NLGN3: variants seen among roughly 807,000 people sequenced by gnomAD.
The protein encoded by NLGN3 is neuroligin 3.
A neutral mutation model predicts 42.9 loss-of-function variants in NLGN3; 11 were observed. The observed-to-expected ratio is 0.26, with a 90% CI of 0.16 to 0.42. NLGN3 has a LOEUF of 0.42. Among genes scored for constraint, NLGN3 ranks in the 10% least tolerant of loss-of-function variants. The pLI is 1.00. For synonymous variants in NLGN3, 279 were observed against 312.7 expected (o/e 0.89, Z 1.14); for missense variants, 374 against 733.8 (o/e 0.51, Z 5.67).
At chrX:71,147,459 A>G in intron 1 of NLGN3, 91 bp from the exon 2 acceptor site, 1 of 408,377 alleles carries the variant, frequency 2.4e-6, no homozygotes, top group Non-Finnish European at 4.3e-6. Context: ...TACCTATAAG[A>G]GAATAGCCCA....
chrX:71,147,260 G>C (rs1383198857), intron 1 of NLGN3, among the ~76,000 whole-genome samples: 3 of 111,780 alleles, frequency 2.7e-5, no homozygotes, highest in African/African-American at 9.8e-5. Flanking sequence ...TCTGGCTCCA[G>C]CCGACCCTGA....
chrX:71,155,156 A>C, intron 4 of NLGN3, 58 bp from the exon 5 acceptor site: 1 of 1,187,914 alleles, frequency 8.4e-7, no homozygotes, highest in Non-Finnish European at 1.1e-6. Context: ...CTGGGCTGGC[A>C]GGGGTGGGGG....
rs767429618 is a variant in NLGN3, at chrX:71,171,077, G to GT, written c.*995dup. On this transcript the variant is annotated 3_prime_UTR_variant, in exon 8 of 8. Coordinates refer to ENST00000358741, the MANE Select transcript of NLGN3 (RefSeq NM_181303.2). The stretch of plus-strand genomic sequence containing the variant: ...AAGGCGGTGTTTTTTGTTGTTGTTG[G>GT]TTTTTTTTTTTTTTTAAAGAAAAGT... 0.09 allele frequency: 43,481 copies of GT among 482,573 alleles called. 25 individuals carry two copies. Among genetic ancestry groups the GT allele is most frequent in the Non-Finnish European group, 0.096 (38,287 of 399,286 alleles). 39.8% of individuals were successfully genotyped at this position (482,573 alleles called of 1,213,427 possible). A position where few individuals can be genotyped will look rare whatever the true frequency, so the allele number is the denominator to read the frequency against.
At chrX:71,145,704 C>CA (rs2147852411) in intron 1 of NLGN3, among the ~76,000 whole-genome samples, 1 of 105,743 alleles carries the variant, frequency 9.5e-6, no homozygotes, top group African/African-American at 3.5e-5. Context: ...GGAATTGACT[C>CA]AAAGGAGAAT....
chrX:71,161,113 T>C (rs2092428449), intron 5 of NLGN3, among the ~76,000 whole-genome samples: 1 of 99,168 alleles, frequency 1.0e-5, no homozygotes, highest in South Asian at 4.2e-4. Flanking sequence ...TTTCTTTTCT[T>C]TCTTTTTTTT....
chrX:71,146,208 C>G (rs2092369450), intron 1 of NLGN3, among the ~76,000 whole-genome samples: 1 of 101,184 alleles, frequency 9.9e-6, no homozygotes, highest in Non-Finnish European at 2.0e-5. Flanking sequence ...CACACACACA[C>G]ACACACACAC....
chrX:71,149,464 A>G (rs1287146893), intron 3 of NLGN3, among the ~76,000 whole-genome samples: 1 of 111,814 alleles, frequency 8.9e-6, no homozygotes, highest in Non-Finnish European at 1.9e-5. Context: ...GTCTCTGGGA[A>G]CTATGGACTT....
At position 71,148,195 on chromosome X, in the gene NLGN3, C is replaced by T. The variant is rs1241064136; in HGVS notation, c.446C>T (p.Pro149Leu). The change falls in exon 2 of 8, where the codon CCG becomes CTG. Residue 149 changes from proline to leucine, a missense_variant. This residue lies in a region of NLGN3 where 109 missense variants were observed against 173.3 expected (regional missense o/e 0.63). Coordinates refer to ENST00000358741, the MANE Select transcript of NLGN3 (RefSeq NM_181303.2). ...EDCLYLNVYV[P>L]TEDVKRISKE... ...TGTCTCTACCTGAACGTCTATGTGCCGACGGAGGATGGTGAGTGCTGCGGC... is the reference window on the plus strand; with the variant it reads ...TGTCTCTACCTGAACGTCTATGTGCTGACGGAGGATGGTGAGTGCTGCGGC... 8.3e-7 allele frequency: 1 copy of T among 1,208,657 alleles called. No individual in the cohort carries two copies. The highest frequency in any genetic ancestry group is 3.0e-5 in the East Asian group (1 of 33,826).
intron 5 of NLGN3, among the ~76,000 whole-genome samples, chrX:71,159,355 AAAAG>A (rs993664980): frequency 1.8e-5 from 2 of 111,549 alleles, no homozygotes; most frequent in African/African-American, 6.5e-5. Context: ...AAAAGAAAAG[AAAAG>A]AAAGAAAGAA....
In NLGN3 at chrX:71,167,413, A is replaced by G; in HGVS notation, c.1316A>G (p.Asn439Ser). ...FDYSVSNFVD[N>S]LYGYPEGKDT... ...TATTCCGTCTCCAATTTTGTGGACA[A>G]TCTGTATGGCTATCCTGAGGGTAAG... Residue 439 changes from asparagine (N) to serine (S), a missense_variant, in exon 7 of 8, where the codon AAT becomes AGT. Coordinates refer to ENST00000358741, the MANE Select transcript of NLGN3 (RefSeq NM_181303.2). 2.5e-6 allele frequency: 3 copies of G among 1,211,403 alleles called. No homozygotes were observed. Among genetic ancestry groups the G allele is most frequent in the Non-Finnish European group, 3.4e-6 (3 of 895,409 alleles).
At chrX:71,147,292 T>C (rs1273718315) in intron 1 of NLGN3, among the ~76,000 whole-genome samples, 2 of 112,023 alleles carry the variant, frequency 1.8e-5, no homozygotes, top group Non-Finnish European at 3.8e-5. Context: ...GGCTGTAGAA[T>C]TGAAGTTGGG....
In NLGN3 at chrX:71,167,049, C is replaced by A; in HGVS notation, c.952C>A (p.Leu318Met). The A allele has an allele frequency of 8.3e-7, 1 of 1,207,471 alleles. No individual in the cohort carries two copies. Among genetic ancestry groups the A allele is most frequent in the Non-Finnish European group, 1.1e-6 (1 of 893,190 alleles). ...AGCCATCATCCAAAGTGGCTCTGCT[C>A]TGTCCAGCTGGGCTGTGAACTACCA... ...QRAIIQSGSA[L>M]SSWAVNYQPV... is the part of the protein sequence containing the mutation. The change falls in exon 7 of 8, where the codon CTG becomes ATG. Residue 318 changes from leucine to methionine, a missense_variant. Coordinates refer to ENST00000358741, the MANE Select transcript of NLGN3 (RefSeq NM_181303.2).
At chrX:71,153,647 T>C in intron 4 of NLGN3, 111 bp downstream of exon 4, 1 of 752,961 alleles carries the variant, frequency 1.3e-6, no homozygotes, top group Non-Finnish European at 2.0e-6. Flanking sequence ...TGTGTTTCTG[T>C]TCCTGTACAA....
chrX:71,169,687 G>A lies in NLGN3; in HGVS notation c.2137G>A (p.Ala713Thr). The A allele has an allele frequency of 4.1e-6, 5 of 1,211,654 alleles. No homozygotes were observed. The highest frequency in any genetic ancestry group is 5.6e-6 in the Non-Finnish European group (5 of 895,310). Reference sequence around the variant, plus strand: ...CTCCACTGAATTAAGTGTCACCATCGCCGTGGGGGCCTCCCTCCTGTTCCT... The same window carrying A: ...CTCCACTGAATTAAGTGTCACCATCACCGTGGGGGCCTCCCTCCTGTTCCT... ...DYSTELSVTI[A>T]VGASLLFLNV... The change falls in exon 8 of 8, where the codon GCC becomes ACC. Residue 713 changes from alanine (A) to threonine (T), a missense_variant. By Grantham distance (58) the Ala-to-Thr change is moderately conservative (BLOSUM62 0). Coordinates refer to ENST00000358741, the MANE Select transcript of NLGN3 (RefSeq NM_181303.2).
At chrX:71,174,526 G>A (rs963577399), downstream of NLGN3, among the ~76,000 whole-genome samples, 2 of 111,817 alleles carry the variant, frequency 1.8e-5, no homozygotes, top group Non-Finnish European at 3.8e-5. Flanking sequence ...AAAAGGAAGC[G>A]ACGATCACTC....
chrX:71,147,812 C>A lies in NLGN3; in HGVS notation c.63C>A (p.Ser21Arg), dbSNP rs139781549. ...GCCCCAAGCCCACGGTTGGCAGGAG[C>A]CTGTGCCTCACCCTGTGGTTCCTCA... ...SLSPKPTVGR[S>R]LCLTLWFLSL... The change falls in exon 2 of 8, where the codon AGC becomes AGA. Residue 21 changes from serine (S) to arginine (R), a missense_variant. Transcript: ENST00000358741. 2.1e-4 allele frequency: 252 copies of A among 1,208,597 alleles called. No individual in the cohort carries two copies. Among genetic ancestry groups the A allele is most frequent in the Non-Finnish European group, 2.7e-4 (240 of 894,624 alleles).
In NLGN3 at chrX:71,169,869, C is replaced by T. The variant is rs1426287259; in HGVS notation, c.2319C>T (p.His773=). The change falls in exon 8 of 8, where the codon CAC becomes CAT. Residue 773 remains histidine (H), a synonymous_variant. Coordinates refer to ENST00000358741, the MANE Select transcript of NLGN3 (RefSeq NM_181303.2). ...CATTACAACTGGGCCCCACCCACCA[C>T]GAGTGTGAGGCCGGTCCCCCCCATG... The part of the protein sequence containing the change: ...LAALQLGPTH[H]ECEAGPPHDT... 14 of 1,200,192 alleles carry T rather than the reference C, an allele frequency of 1.2e-5. No individual in the cohort carries two copies. The highest frequency in any genetic ancestry group is 7.2e-5 in the South Asian group (4 of 55,591).
rs761899130 is a variant in NLGN3 at position 71,164,345 on chromosome X, G to A, written c.913+17G>A. 5 of 1,206,284 alleles carry A rather than the reference G, an allele frequency of 4.1e-6. No homozygotes were observed. In the South Asian group the frequency reaches 5.3e-5, roughly 13 times the overall value. Reference sequence around the variant, plus strand: ...ACTCAGAGGGTGAGTAACTCGTGGGGCAAAACATGAACTAGCCAAGTGCCG... The same window carrying A: ...ACTCAGAGGGTGAGTAACTCGTGGGACAAAACATGAACTAGCCAAGTGCCG... On this transcript the variant is annotated intron_variant, in intron 6 of 7. Coordinates refer to ENST00000358741, the MANE Select transcript of NLGN3 (RefSeq NM_181303.2).
rs1044836098 is a variant in NLGN3, at chrX:71,169,879, G to A, written c.2329G>A (p.Ala777Thr). The change falls in exon 8 of 8, where the codon GCC becomes ACC. Residue 777 changes from alanine to threonine, a missense_variant. Ala to Thr is a moderately conservative substitution (Grantham distance 58). Around this residue, in one of 6 missense-constraint regions of NLGN3, gnomAD observed 92 missense variants for 108.0 expected, o/e 0.85. Coordinates refer to ENST00000358741, the MANE Select transcript of NLGN3 (RefSeq NM_181303.2). ...QLGPTHHECE[A>T]GPPHDTLRLT... ...GGGCCCCACCCACCACGAGTGTGAG[G>A]CCGGTCCCCCCCATGACACGCTGCG... 8.4e-7 allele frequency: 1 copy of A among 1,197,104 alleles called. No individual in the cohort carries two copies. Among genetic ancestry groups the A allele is most frequent in the African/African-American group, 1.8e-5 (1 of 56,502 alleles).
Sources: gnomAD v4.1 joint callset for allele counts (sites outside exome capture counted in the v4.1 genomes callset) on GRCh38, gnomAD v4.1.1 for gene constraint, gnomAD v4.1.1 regional missense constraint, MANE v1.5 for transcripts, NCBI Gene and HGNC (gene_info 2026-07-23, HGNC 2026-07-21) for gene names.